The following PLSCR2 variants were observed in gnomAD, a reference collection of about 807,000 sequenced individuals.
PLSCR2 encodes PL scramblase 2.
In PLSCR2, 18 loss-of-function variants were observed where a neutral mutation model predicts 25.3. The ratio of observed to expected loss-of-function variants is 0.71; its 90% confidence interval spans 0.49 to 1.06. PLSCR2 has a LOEUF of 1.06. Ranked by LOEUF, PLSCR2 falls within the 50% of genes least tolerant of loss-of-function variation. The probability of loss-of-function intolerance (pLI) is 0.00; values close to 1 mark genes in which losing one functional copy is unlikely to be tolerated. For missense variants in PLSCR2, 243 were observed against 269.5 expected (o/e 0.90, Z 0.69); for synonymous variants, 88 against 87.3 (o/e 1.01, Z -0.04).
chr3:146,453,143 G>A (rs1560017441), intron 5 of PLSCR2, among the ~76,000 whole-genome samples: 1 of 151,984 alleles, frequency 6.6e-6, no homozygotes, highest in Non-Finnish European at 1.5e-5. Context: ...CATATTATTA[G>A]AGAAGGAAGG....
At chr3:146,464,032 T>A (rs752072957), upstream of PLSCR2, 49 of 932,822 alleles carry the variant, frequency 5.3e-5, no homozygotes, top group Non-Finnish European at 5.6e-5. Context: ...GTTACTGATT[T>A]AACTTCCCGG....
intron 6 of PLSCR2, among the ~76,000 whole-genome samples, chr3:146,448,200 C>A (rs920034998): frequency 1.3e-5 from 2 of 152,118 alleles, no homozygotes; most frequent in African/African-American, 2.4e-5. Context: ...GTTGTGTGGA[C>A]AGTTGTTCAA....
intron 6 of PLSCR2, among the ~76,000 whole-genome samples, chr3:146,444,138 T>C (rs957216904): frequency 4.6e-5 from 7 of 152,040 alleles, no homozygotes; most frequent in Non-Finnish European, 8.8e-5. Flanking sequence ...TAATATAATT[T>C]CATATTTTTA....
intron 2 of PLSCR2, among the ~76,000 whole-genome samples, chr3:146,404,198 T>A (rs2038573319): frequency 6.6e-6 from 1 of 152,196 alleles, no homozygotes; most frequent in South Asian, 2.1e-4. Flanking sequence ...GGGTGCACCC[T>A]TCTCTATATA....
intron 1 of PLSCR2, among the ~76,000 whole-genome samples, chr3:146,469,968 C>T (rs2042053379): frequency 6.6e-6 from 1 of 152,114 alleles, no homozygotes; most frequent in Non-Finnish European, 1.5e-5. Context: ...AGTGGCCTAC[C>T]CCGGGAACTT....
chr3:146,475,568 A>G (rs1271295242), intron 1 of PLSCR2, among the ~76,000 whole-genome samples: 1 of 152,042 alleles, frequency 6.6e-6, no homozygotes, highest in Non-Finnish European at 1.5e-5. Context: ...TGTTTTTCCT[A>G]TTGTGCATTT....
intron 3 of PLSCR2, among the ~76,000 whole-genome samples, chr3:146,456,071 T>A (rs2041201693): frequency 6.6e-6 from 1 of 152,084 alleles, no homozygotes; most frequent in Non-Finnish European, 1.5e-5. Flanking sequence ...AAGAGATGAA[T>A]ATTAAACAAA....
chr3:146,402,490 T>C (rs1355258821), intron 2 of PLSCR2, among the ~76,000 whole-genome samples: 1 of 152,004 alleles, frequency 6.6e-6, no homozygotes, highest in Non-Finnish European at 1.5e-5. Context: ...CTTTTTGAGA[T>C]GGAGTCTCAC....
intron 6 of PLSCR2, among the ~76,000 whole-genome samples, chr3:146,447,648 G>A (rs1051136349): frequency 6.6e-6 from 1 of 152,136 alleles, no homozygotes; most frequent in Non-Finnish European, 1.5e-5. Context: ...TGTGCTGCCT[G>A]GAGTTGGGGA....
intron 5 of PLSCR2, among the ~76,000 whole-genome samples, chr3:146,450,919 C>T (rs2040848901): frequency 6.6e-6 from 1 of 151,474 alleles, no homozygotes; most frequent in African/African-American, 2.4e-5. Context: ...TAAATAATGA[C>T]ATGCATATAC....
chr3:146,425,509 G>C (rs891394881), intron 2 of PLSCR2, among the ~76,000 whole-genome samples: 1 of 152,154 alleles, frequency 6.6e-6, no homozygotes, highest in Non-Finnish European at 1.5e-5. Flanking sequence ...GCAGACAAGA[G>C]GGTGGCAACT....
downstream of PLSCR2, among the ~76,000 whole-genome samples, chr3:146,428,401 T>C (rs529104190): frequency 6.6e-6 from 1 of 152,206 alleles, no homozygotes; most frequent in Admixed American, 6.5e-5. Context: ...AGTAGGCAAG[T>C]AGATTTCAAG....
intron 1 of PLSCR2, chr3:146,494,911 C>G (rs1308804182): frequency 6.6e-6 from 1 of 152,118 alleles, no homozygotes; most frequent in East Asian, 1.9e-4. Context: ...ACTGTAGAAA[C>G]TTGCAGATCA....
downstream of PLSCR2, among the ~76,000 whole-genome samples, chr3:146,441,548 C>T (rs942834138): frequency 1.3e-5 from 2 of 151,414 alleles, no homozygotes; most frequent in Admixed American, 1.3e-4. Context: ...AATGAATAAT[C>T]TAATAAAGTA....
At chr3:146,406,522 T>G (rs2038663640) in intron 2 of PLSCR2, among the ~76,000 whole-genome samples, 2 of 152,036 alleles carry the variant, frequency 1.3e-5, no homozygotes, top group South Asian at 4.1e-4. Flanking sequence ...TGTCCTGTTG[T>G]GAAAGAGGTG....
chr3:146,412,360 C>A (rs2038882417), intron 2 of PLSCR2, among the ~76,000 whole-genome samples: 1 of 152,090 alleles, frequency 6.6e-6, no homozygotes, highest in African/African-American at 2.4e-5. Context: ...CCCAGGTTTT[C>A]TATGACATCC....
At chr3:146,449,752 C>T (rs2040787516) in intron 5 of PLSCR2, among the ~76,000 whole-genome samples, 2 of 152,090 alleles carry the variant, frequency 1.3e-5, no homozygotes, top group Non-Finnish European at 1.5e-5. Context: ...AATGAAACTC[C>T]TATTAGACTT....
intron 1 of PLSCR2, among the ~76,000 whole-genome samples, chr3:146,495,533 G>A (rs986800928): frequency 3.3e-5 from 5 of 152,084 alleles, no homozygotes; most frequent in Non-Finnish European, 5.9e-5. Flanking sequence ...CTCAGAATTG[G>A]GAGCAATGCC....
chr3:146,447,881 C>T (rs1040175004), intron 6 of PLSCR2, among the ~76,000 whole-genome samples: 20 of 152,156 alleles, frequency 1.3e-4, no homozygotes, highest in African/African-American at 4.8e-4. Flanking sequence ...CTGGGATGGG[C>T]AATGCCCCTC....
Sources: gnomAD v4.1 joint callset for allele counts (sites outside exome capture counted in the v4.1 genomes callset) on GRCh38, gnomAD v4.1.1 for gene constraint, MANE v1.5 for transcripts, NCBI Gene and HGNC (gene_info 2026-07-23, HGNC 2026-07-21) for gene names.